The following LRP1B variants were observed in gnomAD, a reference collection of about 807,000 sequenced individuals.
The protein encoded by LRP1B is LDL receptor related protein 1B.
In LRP1B, 217 loss-of-function variants were observed where a neutral mutation model predicts 556.6. The observed-to-expected ratio is 0.39, with a 90% confidence interval of 0.35 to 0.44. The LOEUF is 0.44. Among genes scored for constraint, LRP1B ranks in the 20% least tolerant of loss-of-function variants. The pLI is 1.00. For synonymous variants in LRP1B, 2,047 were observed against 1,865.8 expected, an observed-to-expected ratio of 1.10 and a Z score of -2.50; for missense variants, 5,053 against 5,620.8, an observed-to-expected ratio of 0.90 and a Z score of 3.23.
At chr2:140,973,147 A>G (rs953985433) in intron 18 of LRP1B, among the ~76,000 whole-genome samples, 39 of 150,498 alleles carry the variant, frequency 2.6e-4, no homozygotes, top group Non-Finnish European at 4.7e-4. Context: ...ATAAATGAAA[A>G]TATCATACAC....
In LRP1B at chr2:141,685,620, T is replaced by G. The variant is rs189035861; in HGVS notation, c.205+124659A>C. 2.6e-5 allele frequency among the ~76,000 whole-genome samples: 4 copies of G among 152,192 alleles called. No individual in the cohort carries two copies. The East Asian group carries it at 7.8e-4, about 30-fold the overall frequency. On this transcript the variant is annotated intron_variant, in intron 2 of 90. Transcript: ENST00000389484. Reference sequence around the variant, plus strand: ...TCCTGGATTATCTAGGTGAGCCCAGTGTAATCATAAACATTCTTACAACAG... The same window carrying G: ...TCCTGGATTATCTAGGTGAGCCCAGGGTAATCATAAACATTCTTACAACAG...
intron 1 of LRP1B, among the ~76,000 whole-genome samples, chr2:141,893,904 C>T (rs550811314): frequency 9.9e-5 from 15 of 152,234 alleles, no homozygotes; most frequent in East Asian, 5.8e-4. Flanking sequence ...CCTTTCTCTT[C>T]GTTTCTTCCT....
chr2:141,446,015 G>T (rs1056359497), intron 3 of LRP1B, among the ~76,000 whole-genome samples: 16 of 152,138 alleles, frequency 1.1e-4, no homozygotes, highest in African/African-American at 3.6e-4. Flanking sequence ...TTTGACAGTG[G>T]GATATCAAAA....
chr2:141,641,316 T>C (rs931124424), intron 2 of LRP1B, among the ~76,000 whole-genome samples: 4 of 152,148 alleles, frequency 2.6e-5, no homozygotes, highest in Non-Finnish European at 4.4e-5. Context: ...ACATCAGGCA[T>C]TAGACCATAT....
At chr2:141,566,248 A>G (rs1407349699) in intron 2 of LRP1B, among the ~76,000 whole-genome samples, 3 of 152,152 alleles carry the variant, frequency 2.0e-5, no homozygotes, top group African/African-American at 7.2e-5. Flanking sequence ...AGACTGGGAA[A>G]TTAAAACTCT....
intron 22 of LRP1B, among the ~76,000 whole-genome samples, chr2:140,905,447 G>T (rs1247249913): frequency 6.6e-6 from 1 of 151,998 alleles, no homozygotes; most frequent in African/African-American, 2.4e-5. Context: ...GTGCCTTTTT[G>T]AGGTGTAAAT....
intron 14 of LRP1B, among the ~76,000 whole-genome samples, chr2:141,006,273 AT>A (rs1697572740): frequency 6.6e-6 from 1 of 151,964 alleles, no homozygotes; most frequent in South Asian, 2.1e-4. Context: ...AACATTTATT[AT>A]TTCTTTATGT....
intron 35 of LRP1B, among the ~76,000 whole-genome samples, chr2:140,718,395 T>A (rs1360758759): frequency 6.6e-6 from 1 of 151,984 alleles, no homozygotes; most frequent in Non-Finnish European, 1.5e-5. Flanking sequence ...ACTTTTTTCT[T>A]CTTTCAATAC....
intron 33 of LRP1B, among the ~76,000 whole-genome samples, chr2:140,771,275 T>A (rs759539528): frequency 1.3e-5 from 2 of 152,150 alleles, no homozygotes; most frequent in African/African-American, 2.4e-5. Context: ...ATAAATATTT[T>A]CATAGACCTT....
intron 3 of LRP1B, among the ~76,000 whole-genome samples, chr2:141,259,986 AT>A (rs1388175195): frequency 2.0e-5 from 3 of 152,164 alleles, no homozygotes; most frequent in Admixed American, 6.5e-5. Flanking sequence ...TATATACACT[AT>A]AAGCAATTTG....
At chr2:140,389,537 G>GA (rs987032223) in intron 66 of LRP1B, among the ~76,000 whole-genome samples, 5 of 150,262 alleles carry the variant, frequency 3.3e-5, no homozygotes, top group South Asian at 2.1e-4. Flanking sequence ...TGGTATCAAT[G>GA]AAAAAAATGC....
intron 1 of LRP1B, among the ~76,000 whole-genome samples, chr2:141,841,381 A>G (rs987591682): frequency 6.6e-6 from 1 of 152,194 alleles, no homozygotes; most frequent in African/African-American, 2.4e-5. Flanking sequence ...CTCGTTTGTT[A>G]CATAATGGAT....
chr2:140,303,666 CTTTT>C (rs1184878611), intron 83 of LRP1B, among the ~76,000 whole-genome samples: 1 of 151,834 alleles, frequency 6.6e-6, no homozygotes, highest in Non-Finnish European at 1.5e-5. Context: ...AATAAAAAAT[CTTTT>C]TATTATACCT....
At chr2:141,360,199 T>A (rs1482305239) in intron 3 of LRP1B, among the ~76,000 whole-genome samples, 1 of 152,222 alleles carries the variant, frequency 6.6e-6, no homozygotes, top group Non-Finnish European at 1.5e-5. Context: ...ATTTCATCTC[T>A]GATGTGGAAA....
chr2:141,185,683 C>CAAAAAAAAAAAA (rs148935362), intron 7 of LRP1B, among the ~76,000 whole-genome samples: 49 of 74,184 alleles, frequency 6.6e-4, no homozygotes, highest in African/African-American at 1.7e-3. Context: ...GAAAAACAAA[C>CAAAAAAAAAAAA]AAACAAAAAA....
At chr2:140,590,343 G>GTA (rs1491562155) in intron 43 of LRP1B, among the ~76,000 whole-genome samples, 60 of 147,720 alleles carry the variant, frequency 4.1e-4, no homozygotes, top group South Asian at 2.7e-3. Context: ...ATGTGTGTGT[G>GTA]TATATATATA....
intron 18 of LRP1B, among the ~76,000 whole-genome samples, chr2:140,981,300 A>C (rs1366807): frequency 0.33 from 49,276 of 150,844 alleles, 8,449 homozygotes; most frequent in East Asian, 0.57. Context: ...CTATTTTTCT[A>C]CTATTAAAAG....
intron 1 of LRP1B, among the ~76,000 whole-genome samples, chr2:142,078,862 C>A (rs1705607956): frequency 8.4e-6 from 1 of 119,426 alleles, no homozygotes; most frequent in African/African-American, 2.8e-5. Flanking sequence ...AAAGCAATAT[C>A]TATGTAGTTG....
chr2:140,291,676 A>G (rs1266081304), intron 84 of LRP1B, among the ~76,000 whole-genome samples: 1 of 152,038 alleles, frequency 6.6e-6, no homozygotes, highest in Non-Finnish European at 1.5e-5. Flanking sequence ...TCCATGGTGT[A>G]TATGTGCCAC....
Sources: gnomAD v4.1 joint callset for allele counts (sites outside exome capture counted in the v4.1 genomes callset) on GRCh38, gnomAD v4.1.1 for gene constraint, MANE v1.5 for transcripts, NCBI Gene and HGNC (gene_info 2026-07-23, HGNC 2026-07-21) for gene names.